DGKG: variants seen among roughly 807,000 people sequenced by gnomAD.
DGKG encodes the protein diacylglycerol kinase gamma.
A neutral mutation model predicts 105.3 loss-of-function variants in DGKG; 78 were observed. The observed-to-expected ratio is 0.74, with a 90% CI of 0.62 to 0.89. The LOEUF (loss-of-function observed/expected upper bound fraction) is 0.89, where lower values mean the gene tolerates loss of function less well. Ranked by LOEUF, DGKG falls within the 40% of genes least tolerant of loss-of-function variation. The pLI is 0.00. For synonymous variants in DGKG, 346 were observed against 367.1 expected, an observed-to-expected ratio of 0.94 and a Z score of 0.66; for missense variants, 958 against 1,020.1, an observed-to-expected ratio of 0.94 and a Z score of 0.83.
At chr3:186,167,760 TTCACTCAC>T (rs56211107) in intron 22 of DGKG, among the ~76,000 whole-genome samples, 5,874 of 150,682 alleles carry the variant, frequency 0.039, 224 homozygotes, top group African/African-American at 0.097. Flanking sequence ...AAAACAGGAA[TTCACTCAC>T]TCACTCACTC....
At chr3:186,348,658 G>A (rs187992559) in intron 1 of DGKG, among the ~76,000 whole-genome samples, 3 of 151,834 alleles carry the variant, frequency 2.0e-5, no homozygotes, top group African/African-American at 7.2e-5. Flanking sequence ...TGCCATGTTG[G>A]CCAGGCTGGT....
intron 19 of DGKG, among the ~76,000 whole-genome samples, chr3:186,245,964 C>A (rs4541396): frequency 0.84 from 127,559 of 152,020 alleles, 56,808 homozygotes; most frequent in East Asian, 0.99. Context: ...ATATTTAAAA[C>A]AATTTTTAAA....
At chr3:186,273,704 G>A (rs1022981635) in intron 10 of DGKG, among the ~76,000 whole-genome samples, 1 of 152,092 alleles carries the variant, frequency 6.6e-6, no homozygotes, top group Admixed American at 6.6e-5. Context: ...GTTGATGCTT[G>A]GTCTTTGTGG....
At chr3:186,305,830 G>A (rs1285981560) in intron 3 of DGKG, among the ~76,000 whole-genome samples, 1 of 152,154 alleles carries the variant, frequency 6.6e-6, no homozygotes, top group East Asian at 1.9e-4. Context: ...CATAGTTTCA[G>A]GTTGAATAAC....
intron 1 of DGKG, among the ~76,000 whole-genome samples, chr3:186,350,477 A>G (rs1726576108): frequency 1.3e-5 from 2 of 152,216 alleles, no homozygotes; most frequent in Admixed American, 1.3e-4. Context: ...CATTTTGTTT[A>G]TCCAGTCATC....
At chr3:186,299,450 A>G (rs1287739578) in intron 3 of DGKG, among the ~76,000 whole-genome samples, 1 of 152,210 alleles carries the variant, frequency 6.6e-6, no homozygotes, top group South Asian at 2.1e-4. Context: ...ATTTCTGTTT[A>G]GCACCAGGCT....
intron 22 of DGKG, among the ~76,000 whole-genome samples, chr3:186,187,717 C>T (rs1717709966): frequency 6.6e-6 from 1 of 152,168 alleles, no homozygotes; most frequent in Admixed American, 6.5e-5. Context: ...AGGACCCTGC[C>T]TGGGGATCCT....
At chr3:186,199,613 A>G (rs1056329888) in intron 21 of DGKG, among the ~76,000 whole-genome samples, 1 of 152,026 alleles carries the variant, frequency 6.6e-6, no homozygotes, top group Non-Finnish European at 1.5e-5. Context: ...CCTGGGTTCA[A>G]GAGATTCTCC....
chr3:186,345,044 C>T (rs749632287), intron 1 of DGKG, among the ~76,000 whole-genome samples: 3 of 152,124 alleles, frequency 2.0e-5, no homozygotes, highest in Non-Finnish European at 4.4e-5. Context: ...CCACCTCTAC[C>T]GTGTTTCCAT....
chr3:186,171,006 A>C (rs1716787539), intron 22 of DGKG, among the ~76,000 whole-genome samples: 2 of 152,208 alleles, frequency 1.3e-5, no homozygotes, highest in Admixed American at 1.3e-4. Context: ...AAAACAAAAA[A>C]CAAAAACAAT....
intron 23 of DGKG, 115 bp downstream of exon 23, chr3:186,164,783 G>A (rs753341914): frequency 3.5e-5 from 44 of 1,241,820 alleles, no homozygotes; most frequent in African/African-American, 1.5e-4. Flanking sequence ...ACATTATCAA[G>A]CTTTTGTGCT....
intron 1 of DGKG, among the ~76,000 whole-genome samples, chr3:186,329,449 G>C (rs1725498615): frequency 6.6e-6 from 1 of 152,146 alleles, no homozygotes; most frequent in African/African-American, 2.4e-5. Flanking sequence ...CTATTCATTT[G>C]AATGAATCAG....
intron 1 of DGKG, among the ~76,000 whole-genome samples, chr3:186,329,786 C>T (rs1026051846): frequency 6.6e-6 from 1 of 152,200 alleles, no homozygotes; most frequent in Non-Finnish European, 1.5e-5. Context: ...AAGATGCCCT[C>T]TTTAATTGCC....
At chr3:186,174,587 T>C (rs1480672566) in intron 22 of DGKG, among the ~76,000 whole-genome samples, 2 of 152,102 alleles carry the variant, frequency 1.3e-5, no homozygotes, top group Admixed American at 1.3e-4. Flanking sequence ...TTTTTTCTTT[T>C]TACTCCAAAA....
At chr3:186,195,348 A>G (rs1243293304) in intron 21 of DGKG, among the ~76,000 whole-genome samples, 2 of 152,218 alleles carry the variant, frequency 1.3e-5, no homozygotes, top group Non-Finnish European at 2.9e-5. Context: ...TTACTCTTTA[A>G]AAAATTCTTT....
rs574547167 is a variant in DGKG at position 186,361,597 on chromosome 3, C to A, written c.-249+349G>T. Among the ~76,000 whole-genome samples the A allele has an allele frequency of 6.6e-6, 1 of 152,262 alleles. No homozygotes were observed. Among genetic ancestry groups the A allele is most frequent in the South Asian group, 2.1e-4 (1 of 4,824 alleles). On this transcript the variant is annotated intron_variant, in intron 1 of 24. Transcript: ENST00000265022. The surrounding 1 kb of genome is among the most constrained non-coding windows in gnomAD (Gnocchi z 6.8). The stretch of plus-strand genomic sequence containing the variant: ...GGAGCGCGAACTGGATATCAAGGAG[C>A]CAAGGTTAAGTCCAGAAGAAGAAGG...
Position 186,326,518 on chromosome 3 carries a change from G to A in DGKG, c.-248-5811C>T, listed in dbSNP as rs549584513. On this transcript the variant is annotated intron_variant, in intron 1 of 24. Transcript: ENST00000265022. ...ATACTTACACCTCCAACTCCAGTCC[G>A]ACATTGCAAAGTCAATTGTAGCCTT... Among the ~76,000 whole-genome samples, 8 of 151,442 alleles carry A rather than the reference G, an allele frequency of 5.3e-5. No homozygotes were observed. In the East Asian group the frequency reaches 1.6e-3, roughly 29 times the overall value.
rs951771167 is a variant in DGKG at position 186,284,314 on chromosome 3, C to T, written c.594+346G>A. The stretch of plus-strand genomic sequence containing the variant: ...CCTTTTCCCTTGGTCTTGTTGCCTC[C>T]CCCGCCCTCTCCTCTTGGCCTCAGG... On this transcript the variant is annotated intron_variant, in intron 7 of 24. Transcript: ENST00000265022. This position sits in a 1 kb window ranked among gnomAD's most constrained non-coding sequence, Gnocchi z 4.0. Among the ~76,000 whole-genome samples the T allele has an allele frequency of 6.6e-6, 1 of 152,092 alleles. No homozygotes were observed. Among genetic ancestry groups the T allele is most frequent in the Non-Finnish European group, 1.5e-5 (1 of 68,010 alleles).
chr3:186,233,746 G>A (rs1172366971), intron 20 of DGKG, among the ~76,000 whole-genome samples: 1 of 152,236 alleles, frequency 6.6e-6, no homozygotes, highest in Non-Finnish European at 1.5e-5. Context: ...GCCTCCCAAA[G>A]TGCTGGGATT....
Sources: allele counts gnomAD v4.1 joint callset (sites outside exome capture counted in the v4.1 genomes callset), GRCh38; gene constraint gnomAD v4.1.1; non-coding constraint Gnocchi (gnomAD v3.1); transcripts MANE v1.5; gene names NCBI Gene and HGNC (gene_info 2026-07-23, HGNC 2026-07-21).